The following KSR2 variants were observed in gnomAD, a reference collection of about 807,000 sequenced individuals.
KSR2 encodes kinase suppressor of ras 2.
Under a neutral mutation model 107.8 loss-of-function variants are expected in KSR2, and 25 were observed. That is an observed-to-expected ratio of 0.23 (90% CI 0.17 to 0.32). The LOEUF (loss-of-function observed/expected upper bound fraction) is 0.32. KSR2 is among the 10% of genes least tolerant of loss of function. The pLI, the probability that KSR2 is intolerant of heterozygous loss-of-function variation, is 1.00. For synonymous variants in KSR2, 480 were observed against 507.0 expected (o/e 0.95, Z 0.71); for missense variants, 887 against 1,268.9 (o/e 0.70, Z 4.57).
At chr12:117,846,998 G>A (rs1399412229) in intron 3 of KSR2, among the ~76,000 whole-genome samples, 1 of 152,242 alleles carries the variant, frequency 6.6e-6, no homozygotes, top group Admixed American at 6.5e-5. Context: ...AAGCGCGTTC[G>A]CATCAGGTTT....
chr12:117,671,553 A>C (rs1188948200), intron 4 of KSR2, among the ~76,000 whole-genome samples: 2 of 152,228 alleles, frequency 1.3e-5, no homozygotes, highest in Non-Finnish European at 2.9e-5. Context: ...TTCTGGATTA[A>C]GACTCTGGCA....
chr12:117,832,781 C>G (rs1480760124), intron 3 of KSR2, among the ~76,000 whole-genome samples: 1 of 152,242 alleles, frequency 6.6e-6, no homozygotes, highest in Non-Finnish European at 1.5e-5. Flanking sequence ...CCAACCTACT[C>G]CTAGGCTATG....
intron 7 of KSR2, among the ~76,000 whole-genome samples, chr12:117,560,957 G>A (rs1459270093): frequency 6.6e-6 from 1 of 152,136 alleles, no homozygotes; most frequent in East Asian, 1.9e-4. Context: ...GCAGAACCGT[G>A]AGCCAAATAA....
At chr12:117,682,326 C>T (rs1160435896) in intron 4 of KSR2, among the ~76,000 whole-genome samples, 1 of 152,070 alleles carries the variant, frequency 6.6e-6, no homozygotes, top group South Asian at 2.1e-4. Flanking sequence ...GGGCTTAATA[C>T]CTAGGTGATG....
intron 3 of KSR2, among the ~76,000 whole-genome samples, chr12:117,839,599 A>C (rs1892379494): frequency 6.6e-6 from 1 of 152,230 alleles, no homozygotes; most frequent in Non-Finnish European, 1.5e-5. Flanking sequence ...AGGAATTTCC[A>C]GTCTAATATG....
At chr12:117,610,033 C>T (rs532017165) in intron 5 of KSR2, among the ~76,000 whole-genome samples, 1 of 152,308 alleles carries the variant, frequency 6.6e-6, no homozygotes, top group East Asian at 1.9e-4. Context: ...GCATGCATGA[C>T]TCGCCCAGAT....
At chr12:117,713,087 T>C (rs1886850434) in intron 4 of KSR2, among the ~76,000 whole-genome samples, 1 of 149,762 alleles carries the variant, frequency 6.7e-6, no homozygotes, top group Non-Finnish European at 1.5e-5. Flanking sequence ...AGATTATAGA[T>C]ATAGATAGAT....
intron 3 of KSR2, among the ~76,000 whole-genome samples, chr12:117,787,399 A>G (rs1890114774): frequency 6.6e-6 from 1 of 152,150 alleles, no homozygotes; most frequent in Non-Finnish European, 1.5e-5. Context: ...TTGGGAGGCC[A>G]CGGCGGGCGG....
chr12:117,469,065 G>A (rs568191292), intron 19 of KSR2, among the ~76,000 whole-genome samples: 10 of 152,252 alleles, frequency 6.6e-5, no homozygotes, highest in South Asian at 2.1e-4. Flanking sequence ...TGGGGCTGTC[G>A]AGAGAGGTCC....
At chr12:117,820,428 A>G (rs1891525408) in intron 3 of KSR2, among the ~76,000 whole-genome samples, 1 of 152,246 alleles carries the variant, frequency 6.6e-6, no homozygotes, top group Admixed American at 6.5e-5. Flanking sequence ...AATTCAGCCC[A>G]GGACAGACCT....
intron 7 of KSR2, 30 bp from the exon 8 acceptor site, chr12:117,558,603 A>G: frequency 6.3e-7 from 1 of 1,582,444 alleles, no homozygotes; most frequent in South Asian, 1.1e-5. Context: ...AGAAAGATGG[A>G]TAGGTGAATG....
intron 14 of KSR2, among the ~76,000 whole-genome samples, chr12:117,519,567 G>A (rs1444251564): frequency 2.0e-5 from 3 of 152,132 alleles, no homozygotes; most frequent in Non-Finnish European, 4.4e-5. Context: ...GTGGGGAAGG[G>A]GGTGACGTGG....
intron 3 of KSR2, among the ~76,000 whole-genome samples, chr12:117,840,474 C>T (rs1892421881): frequency 6.6e-6 from 1 of 152,110 alleles, no homozygotes; most frequent in Non-Finnish European, 1.5e-5. Context: ...CAGCTTACTG[C>T]AGCCTCCACC....
At chr12:117,633,387 G>C (rs540378856) in intron 5 of KSR2, among the ~76,000 whole-genome samples, 4 of 152,318 alleles carry the variant, frequency 2.6e-5, no homozygotes, top group African/African-American at 9.6e-5. Context: ...CAGGTGTGCG[G>C]GTTGCGCCTT....
intron 14 of KSR2, among the ~76,000 whole-genome samples, chr12:117,502,529 G>T (rs570760522): frequency 6.6e-6 from 1 of 152,198 alleles, no homozygotes; most frequent in African/African-American, 2.4e-5. Context: ...GACTGGTAAT[G>T]GGTATCGAAT....
At chr12:117,809,792 A>AAAT (rs1436645126) in intron 3 of KSR2, among the ~76,000 whole-genome samples, 1 of 152,204 alleles carries the variant, frequency 6.6e-6, no homozygotes, top group Non-Finnish European at 1.5e-5. Flanking sequence ...AGGAGCTGAA[A>AAAT]AATAAATAAT....
At chr12:117,692,147 C>A (rs913478531) in intron 4 of KSR2, among the ~76,000 whole-genome samples, 1 of 151,858 alleles carries the variant, frequency 6.6e-6, no homozygotes, top group African/African-American at 2.4e-5. Flanking sequence ...GCGAACGGCA[C>A]GAAGAGACGG....
At chr12:117,637,431 C>T (rs11609285) in intron 5 of KSR2, among the ~76,000 whole-genome samples, 67,304 of 152,028 alleles carry the variant, frequency 0.44, 17,689 homozygotes, top group Non-Finnish European at 0.59. Flanking sequence ...GCCCCTACCA[C>T]AAAGAATTAT....
intron 1 of KSR2, among the ~76,000 whole-genome samples, chr12:117,933,814 T>C (rs1895761689): frequency 6.6e-6 from 1 of 152,090 alleles, no homozygotes; most frequent in Non-Finnish European, 1.5e-5. Flanking sequence ...AGTAAAGTTA[T>C]GTAACTTGCC....
Sources: gnomAD v4.1 joint callset for allele counts (sites outside exome capture counted in the v4.1 genomes callset) on GRCh38, gnomAD v4.1.1 for gene constraint, MANE v1.5 for transcripts, NCBI Gene and HGNC (gene_info 2026-07-23, HGNC 2026-07-21) for gene names.